The following PIWIL2 variants were observed in gnomAD, a reference collection of about 807,000 sequenced individuals.
The protein encoded by PIWIL2 is piwi like RNA-mediated gene silencing 2.
A neutral mutation model predicts 116.5 loss-of-function variants in PIWIL2; 81 were observed. The observed-to-expected ratio is 0.70, with a 90% CI of 0.58 to 0.84. PIWIL2 has a LOEUF of 0.84. Among genes scored for constraint, PIWIL2 ranks in the 40% least tolerant of loss-of-function variants. The probability of loss-of-function intolerance (pLI) is 0.00; values close to 1 mark genes in which losing one functional copy is unlikely to be tolerated. For synonymous variants in PIWIL2, 489 were observed against 429.5 expected, an observed-to-expected ratio of 1.14 and a Z score of -1.71; for missense variants, 1,272 against 1,212.3, an observed-to-expected ratio of 1.05 and a Z score of -0.73.
At chr8:22,285,850 G>A (rs544372943) in intron 6 of PIWIL2, among the ~76,000 whole-genome samples, 32 of 151,950 alleles carry the variant, frequency 2.1e-4, no homozygotes, top group South Asian at 1.5e-3. Context: ...TTGCCATGTC[G>A]ACCAGGCTGG....
At chr8:22,337,756 T>C (rs2132089302) in intron 20 of PIWIL2, among the ~76,000 whole-genome samples, 1 of 151,396 alleles carries the variant, frequency 6.6e-6, no homozygotes, top group South Asian at 2.1e-4. Flanking sequence ...AATAAATAAA[T>C]AATAATACTA....
At chr8:22,282,969 G>C in intron 4 of PIWIL2, 65 bp from the exon 5 acceptor site, 1 of 1,220,790 alleles carries the variant, frequency 8.2e-7, no homozygotes. Flanking sequence ...GGAGTTGGGG[G>C]AATAATCTGG....
chr8:22,342,320 G>GT (rs1220302108), intron 20 of PIWIL2, among the ~76,000 whole-genome samples: 1 of 152,144 alleles, frequency 6.6e-6, no homozygotes, highest in Non-Finnish European at 1.5e-5. Flanking sequence ...TGATTTTAAG[G>GT]TTTAAGGATA....
chr8:22,306,048 C>T (rs1831170141), intron 13 of PIWIL2, 32 bp downstream of exon 13: 5 of 1,484,692 alleles, frequency 3.4e-6, no homozygotes, highest in Non-Finnish European at 4.7e-6. Context: ...CCGGAAATGC[C>T]CACTTTGTGA....
At chr8:22,314,884 C>G (rs963883604) in intron 17 of PIWIL2, 145 bp from the exon 18 acceptor site, 2 of 635,074 alleles carry the variant, frequency 3.1e-6, no homozygotes, top group Non-Finnish European at 5.7e-6. Context: ...CCTAGAAACC[C>G]TAGAATTAGA....
chr8:22,288,443 A>G, intron 7 of PIWIL2, 99 bp from the exon 8 acceptor site: 2 of 850,158 alleles, frequency 2.4e-6, no homozygotes, highest in Non-Finnish European at 3.5e-6. Context: ...GTTTTAAGAT[A>G]CTTTAGTGTT....
chr8:22,290,101 A>T, intron 9 of PIWIL2, 132 bp from the exon 10 acceptor site: 2 of 706,990 alleles, frequency 2.8e-6, no homozygotes, highest in Non-Finnish European at 4.8e-6. Flanking sequence ...AATGTCAATT[A>T]ACTTAGTTTC....
rs560109042 is a variant in PIWIL2 at position 22,288,641 on chromosome 8, C to T, written c.961C>T (p.Pro321Ser). 9.9e-6 allele frequency: 16 copies of T among 1,612,570 alleles called. 1 individual carries two copies. The South Asian group carries it at 1.7e-4, about 17-fold the overall frequency. Residue 321 changes from proline to serine, a missense_variant, in exon 8 of 23, where the codon CCC (proline) becomes TCC (serine). Pro to Ser is a moderately conservative substitution (Grantham distance 74, BLOSUM62 -1). Coordinates refer to ENST00000356766, the MANE Select transcript of PIWIL2 (RefSeq NM_018068.5). ...ILEPCSDLCIPFYNVVFRRVM... is the reference protein window; with the variant it reads ...ILEPCSDLCISFYNVVFRRVM... ...GGAGCCCTGCTCTGACCTGTGCATTCCCTTCTACAATGTTGTTTTCCGTCG... is the reference window on the plus strand; with the variant it reads ...GGAGCCCTGCTCTGACCTGTGCATTTCCTTCTACAATGTTGTTTTCCGTCG...
intron 20 of PIWIL2, among the ~76,000 whole-genome samples, chr8:22,333,350 G>A (rs1402904189): frequency 7.9e-5 from 12 of 152,184 alleles, no homozygotes; most frequent in African/African-American, 1.7e-4. Context: ...AGTGGCTCAC[G>A]CCTGTAATCC....
At chr8:22,348,351 G>A (rs1236952977) in intron 20 of PIWIL2, among the ~76,000 whole-genome samples, 1 of 152,132 alleles carries the variant, frequency 6.6e-6, no homozygotes, top group Non-Finnish European at 1.5e-5. Context: ...CTCATATCTA[G>A]TGGATGTGAA....
At chr8:22,278,348 C>T (rs562439663) in intron 1 of PIWIL2, among the ~76,000 whole-genome samples, 7 of 152,118 alleles carry the variant, frequency 4.6e-5, no homozygotes, top group South Asian at 2.1e-4. Context: ...GGCAAGACCC[C>T]GTCTGTACAA....
intron 20 of PIWIL2, among the ~76,000 whole-genome samples, chr8:22,321,693 C>T (rs543296386): frequency 2.0e-5 from 3 of 152,224 alleles, no homozygotes; most frequent in African/African-American, 7.2e-5. Flanking sequence ...TTGACAGAGC[C>T]TGCCTCTAAA....
In PIWIL2 at chr8:22,304,011, C is replaced by CT; in HGVS notation, c.1182-7dup. 1 of 1,599,382 alleles carries CT rather than the reference C, an allele frequency of 6.3e-7. No homozygotes were observed. The highest frequency in any genetic ancestry group is 8.5e-7 in the Non-Finnish European group (1 of 1,170,424). ...ACTGTGATCCAAAAGTCTTTTATCTCTTTCCAAAGGCATGCCATTTATCAG... is the reference window on the plus strand; with the variant it reads ...ACTGTGATCCAAAAGTCTTTTATCTCTTTTCCAAAGGCATGCCATTTATCAG... On this transcript the variant is annotated splice_polypyrimidine_tract_variant and intron_variant, in intron 10 of 22. Transcript: ENST00000356766.
chr8:22,282,565 A>G (rs1830535442), intron 4 of PIWIL2, among the ~76,000 whole-genome samples: 1 of 151,624 alleles, frequency 6.6e-6, no homozygotes, highest in Admixed American at 6.6e-5. Context: ...AGTCAATAGC[A>G]GTTGGTGAAT....
chr8:22,309,179 C>G (rs1259976754), intron 14 of PIWIL2, among the ~76,000 whole-genome samples: 1 of 151,034 alleles, frequency 6.6e-6, no homozygotes, highest in Non-Finnish European at 1.5e-5. Flanking sequence ...CCAGGCTGGT[C>G]TTGAACTCCT....
intron 7 of PIWIL2, 72 bp downstream of exon 7, chr8:22,287,717 T>C: frequency 1.0e-6 from 1 of 955,028 alleles, no homozygotes; most frequent in Non-Finnish European, 1.7e-6. Flanking sequence ...TTGGTTTTGC[T>C]TTTAAGAGAT....
chr8:22,350,855 ATT>A (rs1832336406), intron 20 of PIWIL2, among the ~76,000 whole-genome samples: 1 of 151,906 alleles, frequency 6.6e-6, no homozygotes, highest in Non-Finnish European at 1.5e-5. Context: ...TTTAAATAAA[ATT>A]AGGCTGGGCG....
chr8:22,309,440 T>G (rs1489113919), intron 14 of PIWIL2, among the ~76,000 whole-genome samples: 1 of 151,998 alleles, frequency 6.6e-6, no homozygotes, highest in African/African-American at 2.4e-5. Context: ...CGGATTCAAG[T>G]AAATCTCCTG....
chr8:22,296,230 A>G (rs1382955440), intron 10 of PIWIL2, among the ~76,000 whole-genome samples: 4 of 151,666 alleles, frequency 2.6e-5, no homozygotes, highest in African/African-American at 7.3e-5. Context: ...TAATTTTTGT[A>G]GAGACAGGGT....
Sources: allele counts gnomAD v4.1 joint callset (sites outside exome capture counted in the v4.1 genomes callset), GRCh38; gene constraint gnomAD v4.1.1; transcripts MANE v1.5; gene names NCBI Gene and HGNC (gene_info 2026-07-23, HGNC 2026-07-21).